SHISA9: variants seen among roughly 807,000 people sequenced by gnomAD.
The protein encoded by SHISA9 is protein shisa-9.
A neutral mutation model predicts 38.0 loss-of-function variants in SHISA9; 13 were observed. The ratio of observed to expected loss-of-function variants is 0.34; its 90% CI spans 0.22 to 0.54. The LOEUF (loss-of-function observed/expected upper bound fraction) is 0.54. Ranked by LOEUF, SHISA9 falls within the 20% of genes least tolerant of loss-of-function variation. The pLI is 0.91. For missense variants in SHISA9, 538 were observed against 575.8 expected, an observed-to-expected ratio of 0.93 and a Z score of 0.67; for synonymous variants, 275 against 242.0, an observed-to-expected ratio of 1.14 and a Z score of -1.27.
chr16:13,380,977 T>C, the SHISA9 span, among the ~76,000 whole-genome samples: 5 of 152,240 alleles, frequency 3.3e-5, no homozygotes, highest in East Asian at 9.7e-4. Context: ...GCTTCATCCA[T>C]GCCCCTGCAA....
chr16:13,466,239 A>G, the SHISA9 span, among the ~76,000 whole-genome samples: 1 of 152,186 alleles, frequency 6.6e-6, no homozygotes, highest in Non-Finnish European at 1.5e-5. Flanking sequence ...TGGGGCTTCT[A>G]TGCTTCTGAG....
intron 1 of SHISA9, chr16:12,910,493 CTT>C (rs2071167992): frequency 1.9e-5 from 19 of 985,430 alleles, no homozygotes; most frequent in Non-Finnish European, 2.2e-5. Flanking sequence ...TGAGCCAGCA[CTT>C]TTATAAGTAC....
intron 2 of SHISA9, among the ~76,000 whole-genome samples, chr16:13,050,660 A>G (rs1010357190): frequency 5.9e-5 from 9 of 152,228 alleles, no homozygotes; most frequent in Non-Finnish European, 1.0e-4. Context: ...GTACACATAT[A>G]TTACAACTGT....
At chr16:13,183,551 C>T (rs956775169) in intron 2 of SHISA9, among the ~76,000 whole-genome samples, 1 of 152,250 alleles carries the variant, frequency 6.6e-6, no homozygotes. Flanking sequence ...GAAATGATCT[C>T]CCAACTGAGA....
chr16:13,157,717 C>G (rs527313156), intron 2 of SHISA9, among the ~76,000 whole-genome samples: 4 of 152,292 alleles, frequency 2.6e-5, no homozygotes, highest in African/African-American at 7.2e-5. Context: ...ATGACTGCCA[C>G]TGCCTGTCAG....
At chr16:12,987,033 G>A (rs940354923) in intron 2 of SHISA9, among the ~76,000 whole-genome samples, 1 of 152,152 alleles carries the variant, frequency 6.6e-6, no homozygotes, top group Non-Finnish European at 1.5e-5. Flanking sequence ...CTGTTTCCTG[G>A]TCATCTCAAT....
At chr16:13,148,988 C>T (rs1247073846) in intron 2 of SHISA9, among the ~76,000 whole-genome samples, 1 of 152,120 alleles carries the variant, frequency 6.6e-6, no homozygotes, top group Non-Finnish European at 1.5e-5. Context: ...CCTTCTCTAC[C>T]CTCAGTGACG....
At chr16:13,037,494 C>T (rs776061653) in intron 2 of SHISA9, among the ~76,000 whole-genome samples, 9 of 151,668 alleles carry the variant, frequency 5.9e-5, no homozygotes, top group African/African-American at 2.2e-4. Context: ...CAAGTTATAG[C>T]CAAAGACCCT....
the SHISA9 span, among the ~76,000 whole-genome samples, chr16:13,300,196 C>CT: frequency 6.6e-6 from 1 of 152,132 alleles, no homozygotes; most frequent in Non-Finnish European, 1.5e-5. Context: ...TTCTTCTTCC[C>CT]TCCCCAGTAC....
intron 2 of SHISA9, among the ~76,000 whole-genome samples, chr16:12,934,557 A>C (rs549273419): frequency 1.2e-3 from 188 of 152,324 alleles, no homozygotes; most frequent in African/African-American, 4.3e-3. Context: ...GAAGAAAGCT[A>C]TTGGATTAAT....
At chr16:13,412,765 G>A in the SHISA9 span, among the ~76,000 whole-genome samples, 1 of 151,638 alleles carries the variant, frequency 6.6e-6, no homozygotes, top group Non-Finnish European at 1.5e-5. Context: ...GCTGAGGTAG[G>A]AGGATCACTT....
intron 2 of SHISA9, among the ~76,000 whole-genome samples, chr16:13,126,831 AAGAG>A (rs147483289): frequency 0.43 from 52,318 of 121,570 alleles, 12,811 homozygotes; most frequent in Non-Finnish European, 0.54. Flanking sequence ...GAGGGAAAGA[AAGAG>A]AGAGAGACTG....
At chr16:13,397,962 G>T in the SHISA9 span, among the ~76,000 whole-genome samples, 1 of 152,178 alleles carries the variant, frequency 6.6e-6, no homozygotes, top group South Asian at 2.1e-4. Context: ...GAGTGGGAAG[G>T]TGGTTTTTCC....
chr16:13,448,090 C>T, the SHISA9 span, among the ~76,000 whole-genome samples: 5 of 152,272 alleles, frequency 3.3e-5, no homozygotes, highest in Admixed American at 6.5e-5. Flanking sequence ...TCCACATGAA[C>T]CTCTTGCTGC....
At chr16:13,405,809 C>G in the SHISA9 span, among the ~76,000 whole-genome samples, 2 of 151,880 alleles carry the variant, frequency 1.3e-5, no homozygotes, top group Non-Finnish European at 2.9e-5. Flanking sequence ...TGATTTTATT[C>G]TTTTTTATGG....
chr16:13,328,623 CACACACACACACAT>C, the SHISA9 span, among the ~76,000 whole-genome samples: 520 of 124,414 alleles, frequency 4.2e-3, 5 homozygotes, highest in South Asian at 0.026. Flanking sequence ...CACACACACA[CACACACACACACAT>C]ATATATTGTA....
the SHISA9 span, among the ~76,000 whole-genome samples, chr16:13,492,482 T>C: frequency 6.6e-6 from 1 of 152,144 alleles, no homozygotes; most frequent in Non-Finnish European, 1.5e-5. Context: ...TTTAGAACAT[T>C]ACAGCATGCT....
intron 2 of SHISA9, among the ~76,000 whole-genome samples, chr16:12,973,764 T>G (rs1189888114): frequency 6.6e-6 from 1 of 152,174 alleles, no homozygotes; most frequent in African/African-American, 2.4e-5. Context: ...ATAGTAGCAC[T>G]GATTTGGGCA....
At chr16:12,980,034 G>A (rs887751497) in intron 2 of SHISA9, among the ~76,000 whole-genome samples, 13 of 152,154 alleles carry the variant, frequency 8.5e-5, no homozygotes, top group African/African-American at 3.1e-4. Context: ...GGTCAGATGA[G>A]GCTGAGGCTA....
Sources: gnomAD v4.1 joint callset for allele counts (sites outside exome capture counted in the v4.1 genomes callset) on GRCh38, gnomAD v4.1.1 for gene constraint, MANE v1.5 for transcripts, NCBI Gene and HGNC (gene_info 2026-07-23, HGNC 2026-07-21) for gene names.